Variants in NAALADL2 observed in about 807,000 individuals in gnomAD.
NAALADL2 encodes inactive N-acetylated-alpha-linked acidic dipeptidase-like protein 2.
In NAALADL2, 76 loss-of-function variants were observed where a neutral mutation model predicts 87.2. The ratio of observed to expected loss-of-function variants is 0.87; its 90% CI spans 0.72 to 1.05. NAALADL2 has a LOEUF of 1.05. Ranked by LOEUF, NAALADL2 falls within the 50% of genes least tolerant of loss-of-function variation. NAALADL2 has a pLI of 0.00. For synonymous variants in NAALADL2, 354 were observed against 331.0 expected (o/e 1.07, Z -0.75); for missense variants, 1,089 against 945.8 (o/e 1.15, Z -1.99).
intron 2 of NAALADL2, among the ~76,000 whole-genome samples, chr3:174,637,634 A>C (rs1158915074): frequency 6.6e-6 from 1 of 152,104 alleles, no homozygotes; most frequent in Non-Finnish European, 1.5e-5. Context: ...ACAGTTAAAT[A>C]ATGGAAAGCA....
At chr3:175,725,663 A>G (rs1267271973) in intron 11 of NAALADL2, among the ~76,000 whole-genome samples, 1 of 152,166 alleles carries the variant, frequency 6.6e-6, no homozygotes, top group Non-Finnish European at 1.5e-5. Context: ...AATTAGGGTA[A>G]CAATTAAGAG....
intron 9 of NAALADL2, among the ~76,000 whole-genome samples, chr3:175,492,084 A>T (rs1333678162): frequency 6.6e-6 from 1 of 152,240 alleles, no homozygotes; most frequent in African/African-American, 2.4e-5. Flanking sequence ...ATTGTTCAAT[A>T]CAGGCATATA....
At chr3:175,159,077 T>C (rs10470503) in intron 2 of NAALADL2, among the ~76,000 whole-genome samples, 17,977 of 152,108 alleles carry the variant, frequency 0.12, 1,172 homozygotes, top group Admixed American at 0.16. Flanking sequence ...AGAATTCAAT[T>C]TGGATTCCAA....
intron 5 of NAALADL2, among the ~76,000 whole-genome samples, chr3:175,441,572 C>T (rs969086184): frequency 3.3e-5 from 5 of 151,912 alleles, no homozygotes; most frequent in African/African-American, 1.2e-4. Flanking sequence ...TTCTGCACTC[C>T]TAGTAAGTCC....
chr3:175,132,129 C>CG (rs1219405757), intron 2 of NAALADL2, among the ~76,000 whole-genome samples: 4 of 95,246 alleles, frequency 4.2e-5, no homozygotes, highest in Non-Finnish European at 4.5e-5. Context: ...GCTGGCCGGG[C>CG]GGGGGGCTGA....
intron 2 of NAALADL2, among the ~76,000 whole-genome samples, chr3:175,101,556 T>C (rs67962899): frequency 0.41 from 62,403 of 151,972 alleles, 13,242 homozygotes; most frequent in Non-Finnish European, 0.47. Context: ...TACACACACA[T>C]ATATAATTGC....
chr3:174,630,313 A>G (rs1324693852), intron 2 of NAALADL2, among the ~76,000 whole-genome samples: 4 of 152,172 alleles, frequency 2.6e-5, no homozygotes, highest in African/African-American at 7.2e-5. Context: ...ATTGGAGTAT[A>G]TAAGAGCACT....
intron 1 of NAALADL2, among the ~76,000 whole-genome samples, chr3:174,470,892 T>C (rs1432828730): frequency 1.3e-5 from 2 of 152,194 alleles, no homozygotes; most frequent in Non-Finnish European, 2.9e-5. Flanking sequence ...TGTAATTTGT[T>C]TTAATGCTTC....
At chr3:174,551,770 A>AT (rs1380747406) in intron 2 of NAALADL2, among the ~76,000 whole-genome samples, 1 of 152,180 alleles carries the variant, frequency 6.6e-6, no homozygotes, top group Non-Finnish European at 1.5e-5. Flanking sequence ...ACATACTAAT[A>AT]TTTTCCATTT....
In NAALADL2 at chr3:175,628,480, TC is replaced by T. The variant is rs531227201; in HGVS notation, c.1896+1096del. Among the ~76,000 whole-genome samples the T allele has an allele frequency of 7.3e-3, 1,101 of 151,378 alleles. 5 individuals are homozygous for T. The highest frequency in any genetic ancestry group is 0.031 in the Middle Eastern group (9 of 288). ...AGTATGGAGCAAATAAATTTAATGTTCCTGACATCACATGGCATCATATGGA... is the reference window on the plus strand; with the variant it reads ...AGTATGGAGCAAATAAATTTAATGTTCTGACATCACATGGCATCATATGGA... On this transcript the variant is annotated intron_variant, in intron 11 of 13. Transcript: ENST00000454872.
chr3:175,386,625 C>A (rs1369627174), intron 5 of NAALADL2, among the ~76,000 whole-genome samples: 4 of 151,984 alleles, frequency 2.6e-5, no homozygotes, highest in African/African-American at 9.7e-5. Context: ...AGATCAATGG[C>A]AGTCCAAAAA....
chr3:175,588,834 T>A (rs188635695), intron 10 of NAALADL2, among the ~76,000 whole-genome samples: 38 of 152,178 alleles, frequency 2.5e-4, no homozygotes, highest in Middle Eastern at 3.4e-3. Flanking sequence ...CACCGTGCCC[T>A]GCCAGGAGAC....
intron 13 of NAALADL2, among the ~76,000 whole-genome samples, chr3:175,761,974 T>G (rs1748081237): frequency 6.6e-6 from 1 of 152,168 alleles, no homozygotes; most frequent in African/African-American, 2.4e-5. Context: ...CAGTACCTCT[T>G]GCAGAGCAGA....
chr3:174,573,464 C>G (rs545150644), intron 2 of NAALADL2, among the ~76,000 whole-genome samples: 1 of 152,074 alleles, frequency 6.6e-6, no homozygotes, highest in Non-Finnish European at 1.5e-5. Flanking sequence ...GTAAATATTC[C>G]TACTGTCTCA....
chr3:175,698,375 G>GTATATATGTGTATA (rs1447251788), intron 11 of NAALADL2, among the ~76,000 whole-genome samples: 1 of 96,190 alleles, frequency 1.0e-5, no homozygotes, highest in African/African-American at 5.7e-5. Context: ...ATATGTATGT[G>GTATATATGTGTATA]TATTTATGTA....
intron 3 of NAALADL2, among the ~76,000 whole-genome samples, chr3:174,739,400 A>G (rs1733535726): frequency 6.6e-6 from 1 of 152,122 alleles, no homozygotes; most frequent in Non-Finnish European, 1.5e-5. Flanking sequence ...TTAGGGAGTC[A>G]CATGTGTTAT....
At chr3:174,757,611 CCTACCAAGCAGCGGGGA>C (rs1213592604) in intron 3 of NAALADL2, among the ~76,000 whole-genome samples, 2 of 152,048 alleles carry the variant, frequency 1.3e-5, no homozygotes, top group African/African-American at 4.8e-5. Flanking sequence ...CCTGCCTCAG[CCTACCAAGCAGCGGGGA>C]CTACAGGTAC....
At chr3:174,862,601 C>T (rs141679148) in intron 1 of NAALADL2, among the ~76,000 whole-genome samples, 26 of 152,220 alleles carry the variant, frequency 1.7e-4, no homozygotes, top group African/African-American at 5.8e-4. Context: ...GAGCTTTTAA[C>T]ATGTTCTTTC....
At chr3:175,158,652 T>C (rs1257675212) in intron 2 of NAALADL2, among the ~76,000 whole-genome samples, 2 of 152,154 alleles carry the variant, frequency 1.3e-5, no homozygotes, top group Admixed American at 1.3e-4. Flanking sequence ...CTATTTTAAA[T>C]ATTTTTGTCT....
Sources: gnomAD v4.1 joint callset for allele counts (sites outside exome capture counted in the v4.1 genomes callset) on GRCh38, gnomAD v4.1.1 for gene constraint, MANE v1.5 for transcripts, NCBI Gene and HGNC (gene_info 2026-07-23, HGNC 2026-07-21) for gene names.